Variants in PLD1 observed in about 807,000 individuals in gnomAD.
The protein encoded by PLD1 is phospholipase D1, also known as choline phosphatase 1.
Under a neutral mutation model 137.1 loss-of-function variants are expected in PLD1, and 112 were observed. The ratio of observed to expected loss-of-function variants is 0.82; its 90% CI spans 0.70 to 0.96. The LOEUF (loss-of-function observed/expected upper bound fraction) is 0.96. Ranked by LOEUF, PLD1 falls within the 40% of genes least tolerant of loss-of-function variation. PLD1 has a pLI of 0.00. For missense variants in PLD1, 1,321 were observed against 1,342.0 expected, an observed-to-expected ratio of 0.98 and a Z score of 0.24; for synonymous variants, 431 against 454.7, an observed-to-expected ratio of 0.95 and a Z score of 0.66.
chr3:171,637,919 G>A (rs1424752254), intron 23 of PLD1, among the ~76,000 whole-genome samples: 2 of 152,136 alleles, frequency 1.3e-5, no homozygotes, highest in Non-Finnish European at 1.5e-5. Flanking sequence ...GGTGGCTCAC[G>A]CCTGTAATCC....
chr3:171,639,992 C>T (rs1735606416), intron 23 of PLD1, among the ~76,000 whole-genome samples: 1 of 151,246 alleles, frequency 6.6e-6, no homozygotes, highest in Non-Finnish European at 1.5e-5. Context: ...CATTTTATTT[C>T]CGTAAAGTCA....
At chr3:171,758,101 A>T (rs908062110) in intron 1 of PLD1, among the ~76,000 whole-genome samples, 2 of 152,240 alleles carry the variant, frequency 1.3e-5, no homozygotes, top group African/African-American at 4.8e-5. Flanking sequence ...GTAGATGTTC[A>T]ATAAATGCTT....
chr3:171,720,237 T>G (rs1244420497), intron 8 of PLD1, among the ~76,000 whole-genome samples: 2 of 135,762 alleles, frequency 1.5e-5, no homozygotes, highest in Non-Finnish European at 3.0e-5. Flanking sequence ...GAGGCTGCAG[T>G]GAGCCGAGAT....
chr3:171,792,937 TG>T, intron 1 of PLD1: 2 of 318,766 alleles, frequency 6.3e-6, no homozygotes, highest in South Asian at 5.0e-5. Flanking sequence ...CCCAAGGAAG[TG>T]GGGCTCTCAA....
rs369130475 is a variant in PLD1, at chr3:171,603,068, T to C, written c.*10A>G. The C allele has an allele frequency of 1.2e-4, 192 of 1,597,720 alleles. No individual in the cohort carries two copies. Among genetic ancestry groups the C allele is most frequent in the Non-Finnish European group, 1.6e-4 (181 of 1,166,436 alleles). On this transcript the variant is annotated 3_prime_UTR_variant, in exon 27 of 27. Coordinates refer to ENST00000351298, the MANE Select transcript of PLD1 (RefSeq NM_002662.5). ...AGGGTGGAAGTCTTTGAGCTGCCAA[T>C]GAATATCTCTTAAGTCCAAACCTCC...
intron 7 of PLD1, among the ~76,000 whole-genome samples, chr3:171,725,239 G>A (rs2079305360): frequency 6.6e-6 from 1 of 152,064 alleles, no homozygotes; most frequent in South Asian, 2.1e-4. Context: ...TCAACATTGT[G>A]ACACTGTGAC....
chr3:171,757,740 C>T (rs574113102), intron 1 of PLD1, among the ~76,000 whole-genome samples: 8 of 152,300 alleles, frequency 5.3e-5, no homozygotes, highest in Non-Finnish European at 7.4e-5. Flanking sequence ...CGAAACAAAA[C>T]AAAATGAAAA....
intron 20 of PLD1, among the ~76,000 whole-genome samples, chr3:171,661,055 G>A (rs1282004595): frequency 6.6e-6 from 1 of 152,168 alleles, no homozygotes; most frequent in Non-Finnish European, 1.5e-5. Flanking sequence ...CAGACTTTAT[G>A]CAGAGTTCGC....
At chr3:171,754,002 A>G (rs1720847213) in intron 1 of PLD1, among the ~76,000 whole-genome samples, 2 of 152,142 alleles carry the variant, frequency 1.3e-5, no homozygotes, top group Non-Finnish European at 1.5e-5. Flanking sequence ...CCTATCATCC[A>G]TTGGGACTCA....
intron 19 of PLD1, among the ~76,000 whole-genome samples, chr3:171,665,461 A>T (rs1432891814): frequency 3.4e-4 from 52 of 152,298 alleles, no homozygotes; most frequent in East Asian, 2.7e-3. Flanking sequence ...GCACTTTCGG[A>T]GGCCGAGGTG....
At chr3:171,655,134 C>G (rs993860412) in intron 21 of PLD1, among the ~76,000 whole-genome samples, 4 of 152,188 alleles carry the variant, frequency 2.6e-5, no homozygotes, top group Non-Finnish European at 5.9e-5. Context: ...TGTCATTTCC[C>G]TCCATCTGCT....
chr3:171,706,142 C>CTATCTATCTATA (rs1716673080), intron 11 of PLD1, among the ~76,000 whole-genome samples: 1 of 151,916 alleles, frequency 6.6e-6, no homozygotes, highest in South Asian at 2.1e-4. Flanking sequence ...ATCTATCTAT[C>CTATCTATCTATA]TATCTATCTA....
chr3:171,740,969 A>T lies in PLD1; in HGVS notation c.-31-2887T>A, dbSNP rs1181445321. Among the ~76,000 whole-genome samples the T allele has an allele frequency of 1.3e-5, 2 of 152,216 alleles. 1 individual carries two copies. Among genetic ancestry groups the T allele is most frequent in the Admixed American group, 1.3e-4 (2 of 15,280 alleles). On this transcript the variant is annotated intron_variant, in intron 1 of 26. Transcript: ENST00000351298. ...CTTATGGAGTTGGTTACAGAGGCCC[A>T]TAATTACTTTTATTTTATGGGCTTG...
chr3:171,737,065 G>A (rs1296662699), intron 3 of PLD1, among the ~76,000 whole-genome samples: 1 of 152,230 alleles, frequency 6.6e-6, no homozygotes, highest in African/African-American at 2.4e-5. Flanking sequence ...TTGAGGTAAT[G>A]GCACTGGCCG....
intron 3 of PLD1, among the ~76,000 whole-genome samples, chr3:171,736,387 A>C (rs1263463461): frequency 1.3e-5 from 2 of 152,208 alleles, no homozygotes; most frequent in African/African-American, 4.8e-5. Flanking sequence ...TAAACCATGC[A>C]GTCTGCCTCT....
chr3:171,764,660 T>A (rs1721680761), intron 1 of PLD1, among the ~76,000 whole-genome samples: 1 of 151,800 alleles, frequency 6.6e-6, no homozygotes, highest in African/African-American at 2.4e-5. Context: ...TTGGTCTTAA[T>A]CTCACACTCA....
intron 23 of PLD1, among the ~76,000 whole-genome samples, chr3:171,630,967 A>G (rs535380781): frequency 2.7e-4 from 41 of 151,994 alleles, no homozygotes; most frequent in African/African-American, 9.6e-4. Flanking sequence ...ATACATATGT[A>G]ACTAACCTGC....
At chr3:171,702,057 G>C (rs914171194) in intron 11 of PLD1, among the ~76,000 whole-genome samples, 2 of 151,908 alleles carry the variant, frequency 1.3e-5, no homozygotes, top group African/African-American at 4.8e-5. Context: ...AAGAAGATGG[G>C]GGAATAATAA....
At chr3:171,603,530 G>T (rs559366760) in intron 26 of PLD1, among the ~76,000 whole-genome samples, 10 of 152,220 alleles carry the variant, frequency 6.6e-5, no homozygotes, top group Admixed American at 2.0e-4. Context: ...ATGGTTAGTG[G>T]CAAGAAATTA....
Sources: gnomAD v4.1 joint callset for allele counts (sites outside exome capture counted in the v4.1 genomes callset) on GRCh38, gnomAD v4.1.1 for gene constraint, MANE v1.5 for transcripts, NCBI Gene and HGNC (gene_info 2026-07-23, HGNC 2026-07-21) for gene names.